The following SSBP2 variants were observed in gnomAD, a reference collection of about 807,000 sequenced individuals.
The protein encoded by SSBP2 is single stranded DNA binding protein 2, also known as single-stranded DNA-binding protein 2.
SSBP2 carries 17 observed loss-of-function variants against 61.8 expected under a neutral mutation model. The observed-to-expected ratio is 0.28, with a 90% CI of 0.19 to 0.41. The LOEUF is 0.41. SSBP2 is among the 10% of genes least tolerant of loss of function. SSBP2 has a pLI of 1.00. For synonymous variants in SSBP2, 139 were observed against 141.3 expected (o/e 0.98, Z 0.12); for missense variants, 310 against 458.7 (o/e 0.68, Z 2.96).
intron 4 of SSBP2, among the ~76,000 whole-genome samples, chr5:81,551,555 C>T (rs534617244): frequency 6.6e-5 from 10 of 152,048 alleles, no homozygotes; most frequent in African/African-American, 1.7e-4. Flanking sequence ...TGATTCCAGG[C>T]GGCAATTTTC....
At chr5:81,564,240 A>G (rs13175315) in intron 4 of SSBP2, among the ~76,000 whole-genome samples, 1 of 152,154 alleles carries the variant, frequency 6.6e-6, no homozygotes, top group Non-Finnish European at 1.5e-5. Context: ...AAAAGGCAAA[A>G]GTGTTGATGA....
chr5:81,683,544 G>A (rs1752556614), intron 1 of SSBP2, among the ~76,000 whole-genome samples: 1 of 152,116 alleles, frequency 6.6e-6, no homozygotes, highest in South Asian at 2.1e-4. Flanking sequence ...AGATAACATA[G>A]GAGAAAACTT....
At chr5:81,451,164 T>A (rs912052370) in intron 10 of SSBP2, among the ~76,000 whole-genome samples, 1 of 152,202 alleles carries the variant, frequency 6.6e-6, no homozygotes, top group Non-Finnish European at 1.5e-5. Flanking sequence ...TTCCTGAATA[T>A]TTAACAATGG....
At chr5:81,426,126 C>T (rs767643776) in intron 16 of SSBP2, among the ~76,000 whole-genome samples, 13 of 152,330 alleles carry the variant, frequency 8.5e-5, no homozygotes, top group Admixed American at 3.9e-4. Flanking sequence ...TTGGGGATAA[C>T]TAGCTTATTT....
At chr5:81,558,468 T>C (rs1219572784) in intron 4 of SSBP2, among the ~76,000 whole-genome samples, 1 of 152,228 alleles carries the variant, frequency 6.6e-6, no homozygotes, top group Non-Finnish European at 1.5e-5. Flanking sequence ...TCCTAACACC[T>C]GGTGCAGTCC....
At chr5:81,638,460 T>C (rs1054354128) in intron 2 of SSBP2, among the ~76,000 whole-genome samples, 4 of 151,500 alleles carry the variant, frequency 2.6e-5, no homozygotes, top group African/African-American at 7.3e-5. Context: ...GAGGCAGAGG[T>C]TGCAGTGAGC....
At chr5:81,523,900 A>T (rs968565354) in intron 4 of SSBP2, among the ~76,000 whole-genome samples, 9 of 152,062 alleles carry the variant, frequency 5.9e-5, no homozygotes, top group African/African-American at 2.2e-4. Flanking sequence ...TAGAAATATT[A>T]ACATTGTCTC....
intron 1 of SSBP2, among the ~76,000 whole-genome samples, chr5:81,660,343 A>G (rs140947249): frequency 0.011 from 1,743 of 152,312 alleles, 25 homozygotes; most frequent in African/African-American, 0.04. Flanking sequence ...ACCCCATCAA[A>G]AAGTGGGCAA....
rs572409990 is a variant in SSBP2, at chr5:81,432,746, C to T, written c.958-4063G>A. ...GGGCGACAGAGCGAGACTCTGAGTC[C>T]GGGAGGGAGGTGGGGGGGTCAGCCC... On this transcript the variant is annotated intron_variant, in intron 15 of 16. Coordinates refer to ENST00000320672, the MANE Select transcript of SSBP2 (RefSeq NM_012446.5). 6.7e-3 allele frequency among the ~76,000 whole-genome samples: 1,007 copies of T among 151,192 alleles called. 13 individuals carry two copies. Among genetic ancestry groups the T allele is most frequent in the African/African-American group, 0.024 (964 of 41,016 alleles).
intron 1 of SSBP2, among the ~76,000 whole-genome samples, chr5:81,715,891 T>C (rs937703832): frequency 1.1e-4 from 17 of 151,928 alleles, no homozygotes; most frequent in African/African-American, 4.1e-4. Context: ...ATCTTGTCTC[T>C]ACAAAAAAAT....
intron 2 of SSBP2, among the ~76,000 whole-genome samples, chr5:81,645,942 C>CTTTTAATTAAGAAAAAATGACTG (rs1422854912): frequency 6.6e-6 from 1 of 151,966 alleles, no homozygotes; most frequent in African/African-American, 2.4e-5. Context: ...TCCATTTTTT[C>CTTTTAATTAAGAAAAAATGACTG]TTTTAATTAA....
intron 2 of SSBP2, among the ~76,000 whole-genome samples, chr5:81,637,567 A>C (rs1015536845): frequency 2.0e-5 from 3 of 152,226 alleles, no homozygotes; most frequent in African/African-American, 7.2e-5. Context: ...ATAAACTTTA[A>C]CTTTCCTACA....
intron 2 of SSBP2, among the ~76,000 whole-genome samples, chr5:81,641,393 A>T (rs1042780576): frequency 1.3e-5 from 2 of 152,170 alleles, no homozygotes; most frequent in Non-Finnish European, 2.9e-5. Flanking sequence ...TGCTCACAAT[A>T]TTTTTTACTA....
chr5:81,572,915 G>A (rs1314395032), intron 4 of SSBP2, among the ~76,000 whole-genome samples: 2 of 152,186 alleles, frequency 1.3e-5, no homozygotes, highest in Non-Finnish European at 2.9e-5. Context: ...TGAAACAGGA[G>A]ATGAGGGTCA....
intron 4 of SSBP2, among the ~76,000 whole-genome samples, chr5:81,577,526 G>A (rs1443590532): frequency 6.6e-6 from 1 of 152,010 alleles, no homozygotes. Context: ...TTTTCTGGAT[G>A]ATTACAAGGA....
chr5:81,749,547 C>A (rs935870786), intron 1 of SSBP2, among the ~76,000 whole-genome samples: 5 of 152,136 alleles, frequency 3.3e-5, no homozygotes, highest in Admixed American at 2.6e-4. Flanking sequence ...GAGAGATGCT[C>A]TCAGACTTTT....
chr5:81,437,682 T>G (rs1018128745), intron 14 of SSBP2: 1 of 335,878 alleles, frequency 3.0e-6, no homozygotes, highest in African/African-American at 2.2e-5. Flanking sequence ...AATCGTTTTT[T>G]TTTTATGGAA....
intron 4 of SSBP2, among the ~76,000 whole-genome samples, chr5:81,524,297 G>A (rs999536631): frequency 6.6e-6 from 1 of 151,978 alleles, no homozygotes; most frequent in Non-Finnish European, 1.5e-5. Context: ...ACTTAAATAA[G>A]CTTGAAAGTG....
intron 15 of SSBP2, among the ~76,000 whole-genome samples, chr5:81,433,785 G>A (rs537007059): frequency 1.5e-4 from 23 of 152,222 alleles, no homozygotes; most frequent in South Asian, 1.5e-3. Context: ...CTGAGAAAGA[G>A]GCACATGAGT....
Sources: allele counts gnomAD v4.1 joint callset (sites outside exome capture counted in the v4.1 genomes callset), GRCh38; gene constraint gnomAD v4.1.1; transcripts MANE v1.5; gene names NCBI Gene and HGNC (gene_info 2026-07-23, HGNC 2026-07-21).